Variants in DIS3L2 observed in about 807,000 individuals in gnomAD.
DIS3L2 encodes DIS3 like 3'-5' exoribonuclease 2.
In DIS3L2, 34 loss-of-function variants were observed where a neutral mutation model predicts 97.5. That is an observed-to-expected ratio of 0.35 (90% confidence interval 0.27 to 0.46). The LOEUF is 0.46. Among genes scored for constraint, DIS3L2 ranks in the 20% least tolerant of loss-of-function variants. The pLI is 1.00. For synonymous variants in DIS3L2, 435 were observed against 445.2 expected (o/e 0.98, Z 0.29); for missense variants, 1,038 against 1,146.0 (o/e 0.91, Z 1.36).
chr2:232,188,693 A>G (rs528810430), intron 9 of DIS3L2, among the ~76,000 whole-genome samples: 2 of 152,376 alleles, frequency 1.3e-5, no homozygotes, highest in Middle Eastern at 6.8e-3. Context: ...ACTTTGACAT[A>G]GTACAGTCCA....
At position 232,136,680 on chromosome 2, in the gene DIS3L2, G is replaced by A. The variant is rs1386953024; in HGVS notation, c.911G>A (p.Arg304His). ...KDYANTLFIC[R>H]IVDWKEDCNF... ...TATGCCAACACACTGTTCATCTGCCGCATTGTGGACTGGAAGGAGGACTGC... is the reference window on the plus strand; with the variant it reads ...TATGCCAACACACTGTTCATCTGCCACATTGTGGACTGGAAGGAGGACTGC... Residue 304 changes from arginine to histidine, a missense_variant, in exon 8 of 21, where the codon CGC becomes CAC. Around this residue, in one of 3 missense-constraint regions of DIS3L2, gnomAD observed 813 missense variants for 880.1 expected, o/e 0.92. Coordinates refer to ENST00000325385, the MANE Select transcript of DIS3L2 (RefSeq NM_152383.5). The A allele has an allele frequency of 5.0e-6, 8 of 1,613,808 alleles. No individual in the cohort carries two copies. The highest frequency in any genetic ancestry group is 5.9e-6 in the Non-Finnish European group (7 of 1,179,934).
chr2:232,157,306 C>T (rs1690519304), intron 8 of DIS3L2, among the ~76,000 whole-genome samples: 1 of 152,180 alleles, frequency 6.6e-6, no homozygotes, highest in Non-Finnish European at 1.5e-5. Flanking sequence ...TCCTCCCTTG[C>T]ATTCTTTCTT....
At chr2:232,086,655 A>ATG (rs1181414392) in intron 5 of DIS3L2, among the ~76,000 whole-genome samples, 11 of 50,584 alleles carry the variant, frequency 2.2e-4, no homozygotes, top group African/African-American at 7.8e-4. Flanking sequence ...GTATATATAT[A>ATG]TATATGTGTG....
chr2:232,146,339 C>T (rs762027425), intron 8 of DIS3L2, among the ~76,000 whole-genome samples: 2 of 152,076 alleles, frequency 1.3e-5, no homozygotes, highest in African/African-American at 2.4e-5. Flanking sequence ...GTTTGCTTCT[C>T]ATGGATGATC....
chr2:232,203,015 G>T (rs1262745230), intron 9 of DIS3L2, among the ~76,000 whole-genome samples: 1 of 152,218 alleles, frequency 6.6e-6, no homozygotes, highest in African/African-American at 2.4e-5. Flanking sequence ...CACCCATCTG[G>T]CTGGGCTCTC....
chr2:232,334,688 G>C lies in DIS3L2; in HGVS notation c.2347G>C (p.Asp783His). ...GATGGGCATCCTGAAGCAAGCCTTC[G>C]ACGTGCTGGTGCTGCGCTACGGCGT... The part of the protein sequence containing the change: ...MVMGILKQAF[D>H]VLVLRYGVQK... The change falls in exon 19 of 21, where the codon GAC becomes CAC. Residue 783 changes from aspartate (D) to histidine (H), a missense_variant. Around this residue, in one of 3 missense-constraint regions of DIS3L2, gnomAD observed 221 missense variants for 246.9 expected, o/e 0.90. Transcript: ENST00000325385. 1.2e-6 allele frequency: 2 copies of C among 1,610,854 alleles called. No homozygotes were observed. The highest frequency in any genetic ancestry group is 1.7e-6 in the Non-Finnish European group (2 of 1,178,816).
At chr2:232,279,967 GA>G (rs1011940580) in intron 13 of DIS3L2, among the ~76,000 whole-genome samples, 19 of 152,030 alleles carry the variant, frequency 1.2e-4, no homozygotes, top group Non-Finnish European at 1.8e-4. Flanking sequence ...CCTGTCTTTT[GA>G]AAAGCAGAAA....
chr2:232,131,776 G>A (rs1254204938), intron 7 of DIS3L2: 1 of 151,900 alleles, frequency 6.6e-6, no homozygotes, highest in African/African-American at 2.4e-5. Context: ...ACTGACATGA[G>A]GAATTTCTAA....
chr2:232,207,904 A>AT (rs1345494089), intron 9 of DIS3L2, among the ~76,000 whole-genome samples: 2 of 152,176 alleles, frequency 1.3e-5, no homozygotes, highest in Admixed American at 6.5e-5. Context: ...TATAGTTTTG[A>AT]TTTTTTCCAT....
chr2:232,233,351 ATAG>A (rs1186320582), intron 10 of DIS3L2, among the ~76,000 whole-genome samples: 1 of 152,084 alleles, frequency 6.6e-6, no homozygotes, highest in Non-Finnish European at 1.5e-5. Flanking sequence ...GCGTCCTTAC[ATAG>A]TAGAAAGAAT....
chr2:232,143,901 T>A (rs917286773), intron 8 of DIS3L2, among the ~76,000 whole-genome samples: 1 of 152,020 alleles, frequency 6.6e-6, no homozygotes, highest in African/African-American at 2.4e-5. Context: ...TAAAAAAAAA[T>A]TTACCCATAT....
At chr2:232,083,041 A>G (rs1486794051) in intron 5 of DIS3L2, among the ~76,000 whole-genome samples, 10 of 147,240 alleles carry the variant, frequency 6.8e-5, no homozygotes, top group East Asian at 2.1e-4. Flanking sequence ...CTTATTCACT[A>G]TCATGAGAAC....
At chr2:232,021,432 A>G (rs1275512723) in intron 3 of DIS3L2, among the ~76,000 whole-genome samples, 2 of 152,020 alleles carry the variant, frequency 1.3e-5, no homozygotes, top group Non-Finnish European at 2.9e-5. Context: ...GCCATCGGAA[A>G]GTGCGATATT....
chr2:232,203,276 C>T (rs142379868), intron 9 of DIS3L2, among the ~76,000 whole-genome samples: 3 of 152,244 alleles, frequency 2.0e-5, no homozygotes, highest in East Asian at 3.9e-4. Context: ...CTTGCTAGCA[C>T]GGAGACAGAC....
chr2:232,231,725 C>T (rs1692799144), intron 10 of DIS3L2, among the ~76,000 whole-genome samples: 1 of 152,244 alleles, frequency 6.6e-6, no homozygotes, highest in Non-Finnish European at 1.5e-5. Flanking sequence ...ACAATCCTTT[C>T]AGCCCAGAGC....
intron 12 of DIS3L2, among the ~76,000 whole-genome samples, chr2:232,256,673 G>A (rs1185467901): frequency 6.6e-6 from 1 of 152,126 alleles, no homozygotes; most frequent in Non-Finnish European, 1.5e-5. Flanking sequence ...AACGAGAGAG[G>A]CTAGCCAACT....
downstream of DIS3L2, among the ~76,000 whole-genome samples, chr2:232,338,548 G>A (rs1031296207): frequency 9.2e-5 from 13 of 141,782 alleles, no homozygotes; most frequent in African/African-American, 3.0e-4. Context: ...CCGTATCCAC[G>A]AGGGTCAGGT....
At chr2:232,315,670 C>A (rs1040492822) in intron 14 of DIS3L2, among the ~76,000 whole-genome samples, 1 of 152,166 alleles carries the variant, frequency 6.6e-6, no homozygotes, top group South Asian at 2.1e-4. Context: ...GGCTGCTTCA[C>A]GTATTGAAGA....
At chr2:232,026,518 CATT>C (rs1298601423) in intron 4 of DIS3L2, among the ~76,000 whole-genome samples, 2 of 151,950 alleles carry the variant, frequency 1.3e-5, no homozygotes. Context: ...AAATACCTGC[CATT>C]GAGTGGAGGC....
Sources: allele counts gnomAD v4.1 joint callset (sites outside exome capture counted in the v4.1 genomes callset), GRCh38; gene constraint gnomAD v4.1.1; regional missense constraint gnomAD v4.1.1; transcripts MANE v1.5; gene names NCBI Gene and HGNC (gene_info 2026-07-23, HGNC 2026-07-21).